Variants in TECPR2 observed in about 807,000 individuals in gnomAD.
TECPR2 encodes the protein tectonin beta-propeller repeat containing 2, also known as tectonin beta-propeller repeat-containing protein 2.
Under a neutral mutation model 138.1 loss-of-function variants are expected in TECPR2, and 65 were observed. The observed-to-expected ratio is 0.47, with a 90% confidence interval of 0.39 to 0.58. TECPR2 has a LOEUF of 0.58. Ranked by LOEUF, TECPR2 falls within the 20% of genes least tolerant of loss-of-function variation. TECPR2 has a pLI of 0.00. For missense variants in TECPR2, 1,553 were observed against 1,824.5 expected, an observed-to-expected ratio of 0.85 and a Z score of 2.71; for synonymous variants, 746 against 749.8, an observed-to-expected ratio of 0.99 and a Z score of 0.08.
At chr14:102,431,511 T>A (rs1489076818) in intron 7 of TECPR2, among the ~76,000 whole-genome samples, 1 of 151,580 alleles carries the variant, frequency 6.6e-6, no homozygotes, top group Non-Finnish European at 1.5e-5. Context: ...CCCGGCTAAT[T>A]TTTTGTATTT....
At chr14:102,496,039 G>T (rs1043796125) in intron 17 of TECPR2, among the ~76,000 whole-genome samples, 13 of 152,268 alleles carry the variant, frequency 8.5e-5, no homozygotes, top group Non-Finnish European at 1.8e-4. Context: ...ATTCACGGCA[G>T]CCCTGAGCAC....
intron 16 of TECPR2, among the ~76,000 whole-genome samples, chr14:102,455,070 A>G (rs1266731226): frequency 6.6e-6 from 1 of 152,134 alleles, no homozygotes; most frequent in East Asian, 1.9e-4. Flanking sequence ...CTCGGGGAGA[A>G]ACCTGGCTTG....
At chr14:102,389,129 T>C (rs1331192452) in intron 2 of TECPR2, among the ~76,000 whole-genome samples, 2 of 150,012 alleles carry the variant, frequency 1.3e-5, no homozygotes, top group African/African-American at 4.9e-5. Context: ...AAACTCCATC[T>C]CAAAAAAATA....
At chr14:102,407,220 A>G in intron 2 of TECPR2, 118 bp from the exon 3 acceptor site, 2 of 1,312,448 alleles carry the variant, frequency 1.5e-6, no homozygotes, top group Non-Finnish European at 2.0e-6. Flanking sequence ...TTTTCAATCA[A>G]GAATATGTAT....
chr14:102,392,683 G>A (rs1310991493), intron 2 of TECPR2, among the ~76,000 whole-genome samples: 4 of 152,004 alleles, frequency 2.6e-5, no homozygotes, highest in African/African-American at 9.7e-5. Flanking sequence ...CTTCCCTATC[G>A]TAATTTCTAA....
chr14:102,422,142 G>A (rs1416166838), intron 5 of TECPR2, among the ~76,000 whole-genome samples: 1 of 152,138 alleles, frequency 6.6e-6, no homozygotes, highest in Non-Finnish European at 1.5e-5. Context: ...CTGAGTGTCC[G>A]TGACAGACTC....
intron 17 of TECPR2, among the ~76,000 whole-genome samples, chr14:102,488,280 T>C (rs1283895947): frequency 1.3e-5 from 2 of 151,900 alleles, no homozygotes; most frequent in Non-Finnish European, 2.9e-5. Context: ...CAGTGTCTCA[T>C]AGAGCTGGGA....
chr14:102,474,529 C>T (rs1476731703), intron 17 of TECPR2, among the ~76,000 whole-genome samples: 1 of 152,086 alleles, frequency 6.6e-6, no homozygotes, highest in Non-Finnish European at 1.5e-5. Flanking sequence ...GAGGCTGAGG[C>T]AGGAGAATTG....
At chr14:102,406,940 C>T (rs138933899) in intron 2 of TECPR2, among the ~76,000 whole-genome samples, 2,214 of 152,312 alleles carry the variant, frequency 0.015, 23 homozygotes, top group Middle Eastern at 0.027. Context: ...CTCACTGCAA[C>T]CTCCGCCTCC....
chr14:102,415,558 C>T lies in TECPR2; in HGVS notation c.638+765C>T, dbSNP rs1408957270. Among the ~76,000 whole-genome samples, 3 of 151,976 alleles carry T rather than the reference C, an allele frequency of 2.0e-5. No homozygotes were observed. The highest frequency in any genetic ancestry group is 4.4e-5 in the Non-Finnish European group (3 of 68,006). On this transcript the variant is annotated intron_variant, in intron 5 of 19. Coordinates refer to ENST00000359520, the MANE Select transcript of TECPR2 (RefSeq NM_014844.5). This position sits in a 1 kb window ranked among gnomAD's most constrained non-coding sequence, Gnocchi z 4.3. ...CTTGTAGGACTCTGCAGCGAGTTTG[C>T]GTGGGGATGGGGTGAGGAGGGGTAG...
chr14:102,368,578 A>G (rs563751902), intron 1 of TECPR2, among the ~76,000 whole-genome samples: 10 of 150,494 alleles, frequency 6.6e-5, no homozygotes, highest in Non-Finnish European at 1.0e-4. Flanking sequence ...TTTATCAGAT[A>G]TATAACCAGG....
rs575978254 is a variant in TECPR2, at chr14:102,456,916, A to G, written c.3640+4289A>G. On this transcript the variant is annotated intron_variant, in intron 16 of 19. Coordinates refer to ENST00000359520, the MANE Select transcript of TECPR2 (RefSeq NM_014844.5). ...CCTGTCACTCTTAAGTTGAGACTCA[A>G]TCTCACTGAAGCTGAGTTTCTCCCC... 3.3e-5 allele frequency among the ~76,000 whole-genome samples: 5 copies of G among 151,550 alleles called. No homozygotes were observed. The South Asian group carries it at 1.0e-3, about 32-fold the overall frequency.
Position 102,409,291 on chromosome 14 carries a change from T to C in TECPR2, c.480+672T>C, listed in dbSNP as rs139194557. The stretch of plus-strand genomic sequence containing the variant: ...TGTAGCCTTCATTCCTAGAGCACTA[T>C]AGGAATTCAGCAATTTTTTTTTTTT... On this transcript the variant is annotated intron_variant, in intron 4 of 19. Transcript: ENST00000359520. 5.2e-3 allele frequency among the ~76,000 whole-genome samples: 794 copies of C among 152,002 alleles called. 3 individuals carry two copies. Among genetic ancestry groups the C allele is most frequent in the South Asian group, 0.013 (62 of 4,806 alleles).
rs537522113 is a variant in TECPR2, at chr14:102,475,065, G to A, written c.3789+9776G>A. 2.6e-5 allele frequency among the ~76,000 whole-genome samples: 4 copies of A among 152,330 alleles called. No homozygotes were observed. In the East Asian group the frequency reaches 7.7e-4, roughly 29 times the overall value. On this transcript the variant is annotated intron_variant, in intron 17 of 19. Transcript: ENST00000359520. ...CATCCAGGGACACTCACAGGCTACC[G>A]TAGAGACACACGCAAACCACTGGCG...
At chr14:102,375,167 A>G (rs992552493) in intron 1 of TECPR2, among the ~76,000 whole-genome samples, 2 of 152,204 alleles carry the variant, frequency 1.3e-5, no homozygotes, top group Non-Finnish European at 2.9e-5. Context: ...CAACACAGCG[A>G]GACCTCATCT....
intron 2 of TECPR2, among the ~76,000 whole-genome samples, chr14:102,399,001 A>G (rs1226078061): frequency 6.6e-6 from 1 of 152,164 alleles, no homozygotes; most frequent in African/African-American, 2.4e-5. Context: ...AGTGGCTCAC[A>G]TCCATAATCC....
intron 1 of TECPR2, among the ~76,000 whole-genome samples, chr14:102,371,902 T>C (rs144387650): frequency 2.2e-3 from 340 of 152,324 alleles, no homozygotes; most frequent in African/African-American, 7.2e-3. Flanking sequence ...TCTGTGTGTG[T>C]GCATATATGT....
intron 17 of TECPR2, among the ~76,000 whole-genome samples, chr14:102,495,249 G>A (rs1014441015): frequency 3.3e-5 from 5 of 152,114 alleles, no homozygotes; most frequent in African/African-American, 1.2e-4. Flanking sequence ...CTGACAGCCA[G>A]AATCAGGTGG....
rs1034111701 is a variant in TECPR2, at chr14:102,419,055, G to A, written c.638+4262G>A. Among the ~76,000 whole-genome samples, 8 of 152,148 alleles carry A rather than the reference G, an allele frequency of 5.3e-5. No individual in the cohort carries two copies. The highest frequency in any genetic ancestry group is 1.7e-4 in the African/African-American group (7 of 41,428). On this transcript the variant is annotated intron_variant, in intron 5 of 19. Coordinates refer to ENST00000359520, the MANE Select transcript of TECPR2 (RefSeq NM_014844.5). The surrounding 1 kb of genome is among the most constrained non-coding windows in gnomAD (Gnocchi z 4.8). ...TGGCGGGTGTACCTCTCGGGGAGCT[G>A]TGCGCTGGCAGCCACTGGCATGCAG...
Sources: gnomAD v4.1 joint callset for allele counts (sites outside exome capture counted in the v4.1 genomes callset) on GRCh38, gnomAD v4.1.1 for gene constraint, Gnocchi (gnomAD v3.1) non-coding constraint, MANE v1.5 for transcripts, NCBI Gene and HGNC (gene_info 2026-07-23, HGNC 2026-07-21) for gene names.